DENND1B: variants seen among roughly 807,000 people sequenced by gnomAD.
The protein encoded by DENND1B is DENN domain containing 1B.
DENND1B carries 59 observed loss-of-function variants against 90.1 expected under a neutral mutation model. The observed-to-expected ratio is 0.65, with a 90% confidence interval of 0.53 to 0.81. DENND1B has a LOEUF of 0.81. Among genes scored for constraint, DENND1B ranks in the 40% least tolerant of loss-of-function variants. The pLI, the probability that DENND1B is intolerant of heterozygous loss-of-function variation, is 0.00. For missense variants in DENND1B, 862 were observed against 912.6 expected, an observed-to-expected ratio of 0.94 and a Z score of 0.71; for synonymous variants, 337 against 324.6, an observed-to-expected ratio of 1.04 and a Z score of -0.41.
Position 197,508,380 on chromosome 1 carries a change from T to C in DENND1B, c.*2080A>G, listed in dbSNP as rs1457050740. 1 of 151,740 alleles carries C rather than the reference T, an allele frequency of 6.6e-6. No homozygotes were observed. Among genetic ancestry groups the C allele is most frequent in the African/African-American group, 2.4e-5 (1 of 41,398 alleles). The allele number at this position is 151,740 out of a possible 1,614,324, so 9.4% of individuals were successfully genotyped here. The stretch of plus-strand genomic sequence containing the variant: ...TTCAGTAAAGTAAGTTGTAATTTTG[T>C]AATAAGCTTATAAAGGCAAAATTTG... On this transcript the variant is annotated 3_prime_UTR_variant, in exon 23 of 23. Coordinates refer to ENST00000620048, the MANE Select transcript of DENND1B (RefSeq NM_001195215.2).
intron 10 of DENND1B, among the ~76,000 whole-genome samples, chr1:197,633,204 T>TA (rs903307762): frequency 1.3e-5 from 2 of 152,176 alleles, no homozygotes; most frequent in Middle Eastern, 3.2e-3. Flanking sequence ...TCTACATTTG[T>TA]AAAAAATGAT....
At chr1:197,664,599 T>A (rs779087528) in intron 5 of DENND1B, among the ~76,000 whole-genome samples, 17 of 151,994 alleles carry the variant, frequency 1.1e-4, no homozygotes, top group Non-Finnish European at 2.2e-4. Flanking sequence ...AAGTCAAAGG[T>A]TAAATAAAGG....
intron 20 of DENND1B, among the ~76,000 whole-genome samples, chr1:197,524,228 A>AT (rs937163942): frequency 5.3e-5 from 8 of 151,790 alleles, no homozygotes; most frequent in Non-Finnish European, 7.4e-5. Context: ...GCATTCATTA[A>AT]TTTTTTTTTG....
chr1:197,569,832 C>T (rs1194936567), intron 15 of DENND1B, among the ~76,000 whole-genome samples: 1 of 152,006 alleles, frequency 6.6e-6, no homozygotes, highest in Non-Finnish European at 1.5e-5. Flanking sequence ...TTCAGGAATT[C>T]TATTGTTCAA....
chr1:197,595,356 T>C (rs1251520053), intron 13 of DENND1B, 23 bp from the exon 14 acceptor site: 1 of 1,609,520 alleles, frequency 6.2e-7, no homozygotes, highest in Non-Finnish European at 8.5e-7. Flanking sequence ...GAGGAACAGT[T>C]AAATTAACAC....
chr1:197,688,761 T>A (rs555221766), intron 3 of DENND1B: 1 of 152,986 alleles, frequency 6.5e-6, no homozygotes, highest in Non-Finnish European at 1.5e-5. Context: ...AAACCGAAAA[T>A]GGGAAAGAAA....
In DENND1B at chr1:197,718,705, G is replaced by T. The variant is rs1158245249; in HGVS notation, c.83-3631C>A. Among the ~76,000 whole-genome samples, 3 of 152,170 alleles carry T rather than the reference G, an allele frequency of 2.0e-5. No individual in the cohort carries two copies. The East Asian group carries it at 5.8e-4, about 29-fold the overall frequency. On this transcript the variant is annotated intron_variant, in intron 2 of 22. Coordinates refer to ENST00000620048, the MANE Select transcript of DENND1B (RefSeq NM_001195215.2). ...AACTGACACAAGTTAGACAAGCAAA[G>T]AATAATCTGGGCCATAAAGTGGGCA...
upstream of DENND1B, among the ~76,000 whole-genome samples, chr1:197,776,954 A>G (rs1657301656): frequency 6.6e-6 from 1 of 152,222 alleles, no homozygotes; most frequent in Non-Finnish European, 1.5e-5. Context: ...GTGATGTTCA[A>G]GTAAAACAGG....
intron 15 of DENND1B, among the ~76,000 whole-genome samples, chr1:197,557,970 C>G (rs933719273): frequency 1.3e-5 from 2 of 151,850 alleles, no homozygotes; most frequent in African/African-American, 4.8e-5. Context: ...GCCTTATAAA[C>G]AGTTACCTAT....
intron 15 of DENND1B, among the ~76,000 whole-genome samples, chr1:197,579,239 G>A (rs1673977200): frequency 6.6e-6 from 1 of 152,112 alleles, no homozygotes; most frequent in South Asian, 2.1e-4. Flanking sequence ...ACACGAGGGG[G>A]GCAAACTCAG....
intron 15 of DENND1B, among the ~76,000 whole-genome samples, chr1:197,570,039 T>C (rs758139911): frequency 6.6e-6 from 1 of 152,034 alleles, no homozygotes; most frequent in Non-Finnish European, 1.5e-5. Flanking sequence ...CATTCTATAA[T>C]CAAATTCCAA....
chr1:197,610,239 G>A (rs887349531), intron 12 of DENND1B, among the ~76,000 whole-genome samples: 10 of 150,524 alleles, frequency 6.6e-5, no homozygotes, highest in African/African-American at 2.4e-4. Context: ...AATAATAAGA[G>A]CCAATTTAAA....
At chr1:197,758,213 T>C (rs1032693964) in intron 2 of DENND1B, among the ~76,000 whole-genome samples, 2 of 152,208 alleles carry the variant, frequency 1.3e-5, no homozygotes, top group Non-Finnish European at 2.9e-5. Flanking sequence ...AAAGTGAAAT[T>C]CACTAATCAC....
chr1:197,609,208 G>T (rs1395308204), intron 12 of DENND1B, among the ~76,000 whole-genome samples: 4 of 150,528 alleles, frequency 2.7e-5, no homozygotes, highest in Non-Finnish European at 6.0e-5. Flanking sequence ...GACATAGACT[G>T]AAATGCTTAT....
intron 11 of DENND1B, among the ~76,000 whole-genome samples, chr1:197,612,467 G>C (rs1270344244): frequency 6.6e-6 from 1 of 150,460 alleles, no homozygotes; most frequent in Non-Finnish European, 1.5e-5. Flanking sequence ...ATTTGGATCA[G>C]AGGGTCAGTC....
At chr1:197,700,502 T>G (rs527520788) in intron 3 of DENND1B, among the ~76,000 whole-genome samples, 9 of 152,048 alleles carry the variant, frequency 5.9e-5, no homozygotes, top group African/African-American at 2.2e-4. Flanking sequence ...CCAAAAACCA[T>G]AAAAACTCTA....
At chr1:197,550,518 T>C (rs1469005396) in intron 16 of DENND1B, among the ~76,000 whole-genome samples, 1 of 152,076 alleles carries the variant, frequency 6.6e-6, no homozygotes, top group Non-Finnish European at 1.5e-5. Flanking sequence ...TGTAGGGACA[T>C]GGATGAAGCT....
chr1:197,743,581 C>T (rs1479191440), intron 2 of DENND1B, among the ~76,000 whole-genome samples: 1 of 152,150 alleles, frequency 6.6e-6, no homozygotes, highest in Non-Finnish European at 1.5e-5. Flanking sequence ...AATAAGGCAA[C>T]AATTAAGTTT....
chr1:197,705,976 T>A (rs1659493284), intron 3 of DENND1B, among the ~76,000 whole-genome samples: 1 of 142,930 alleles, frequency 7.0e-6, no homozygotes, highest in Admixed American at 7.3e-5. Flanking sequence ...ATCACGCCCA[T>A]TTATCAGACT....
Sources: allele counts gnomAD v4.1 joint callset (sites outside exome capture counted in the v4.1 genomes callset), GRCh38; gene constraint gnomAD v4.1.1; transcripts MANE v1.5; gene names NCBI Gene and HGNC (gene_info 2026-07-23, HGNC 2026-07-21).